Variants in MROH7 observed in about 807,000 individuals in gnomAD.
MROH7 encodes maestro heat like repeat family member 7.
In MROH7, 113 loss-of-function variants were observed where a neutral mutation model predicts 129.2. That is an observed-to-expected ratio of 0.87 (90% confidence interval 0.75 to 1.02). The LOEUF is 1.02. Among genes scored for constraint, MROH7 ranks in the 50% least tolerant of loss-of-function variants. MROH7 has a pLI of 0.00. For synonymous variants in MROH7, 655 were observed against 667.9 expected, an observed-to-expected ratio of 0.98 and a Z score of 0.30; for missense variants, 1,601 against 1,671.3, an observed-to-expected ratio of 0.96 and a Z score of 0.73.
rs748947791 is a variant in MROH7 at position 54,702,188 on chromosome 1, C to A, written c.3384C>A (p.Val1128=). 7 of 1,601,700 alleles carry A rather than the reference C, an allele frequency of 4.4e-6. No homozygotes were observed. The South Asian group carries it at 7.9e-5, about 18-fold the overall frequency. ...CTCAGGCCATGGAGGAGCAGCTGGTCAGCACCTTGGTGCCCCTACTGCTGA... is the reference window on the plus strand; with the variant it reads ...CTCAGGCCATGGAGGAGCAGCTGGTAAGCACCTTGGTGCCCCTACTGCTGA... The part of the protein sequence containing the change: ...PRTQAMEEQL[V]STLVPLLLTM... The change falls in exon 20 of 24, where the codon GTC becomes GTA. Residue 1128 remains valine, a synonymous_variant. Transcript: ENST00000421030.
At chr1:54,656,861 G>GT (rs1188328296) in intron 3 of MROH7, among the ~76,000 whole-genome samples, 1 of 151,828 alleles carries the variant, frequency 6.6e-6, no homozygotes, top group Non-Finnish European at 1.5e-5. Flanking sequence ...TTTTTTTCCA[G>GT]TTTTTTAATT....
At chr1:54,668,741 A>C in intron 4 of MROH7, 113 bp from the exon 5 acceptor site, 1 of 716,860 alleles carries the variant, frequency 1.4e-6, no homozygotes, top group Non-Finnish European at 2.5e-6. Flanking sequence ...CTCTTGCACC[A>C]ATGCTGGCTT....
At chr1:54,673,984 ACACT>A (rs1644943405) in intron 9 of MROH7, 28 bp from the exon 10 acceptor site, 1 of 1,611,432 alleles carries the variant, frequency 6.2e-7, no homozygotes, top group Admixed American at 1.7e-5. Flanking sequence ...TGAACCTATA[ACACT>A]CAATCCCTAA....
intron 3 of MROH7, among the ~76,000 whole-genome samples, chr1:54,655,706 C>T (rs1222413188): frequency 6.6e-6 from 1 of 151,910 alleles, no homozygotes; most frequent in African/African-American, 2.4e-5. Context: ...GAATGCATTT[C>T]TAGGGTTTCT....
chr1:54,669,609 C>T (rs1644863612), intron 5 of MROH7, among the ~76,000 whole-genome samples: 1 of 152,230 alleles, frequency 6.6e-6, no homozygotes, highest in African/African-American at 2.4e-5. Flanking sequence ...ACTGCAGCAT[C>T]AAACTCCTGG....
chr1:54,689,692 GAAACTT>G (rs1285702197), intron 15 of MROH7, among the ~76,000 whole-genome samples: 1 of 152,228 alleles, frequency 6.6e-6, no homozygotes, highest in Non-Finnish European at 1.5e-5. Flanking sequence ...CCAGGAAGGT[GAAACTT>G]TCAGCAGCCC....
chr1:54,670,013 A>C (rs115431280), intron 5 of MROH7, among the ~76,000 whole-genome samples: 44,619 of 150,070 alleles, frequency 0.3, 6,892 homozygotes, highest in South Asian at 0.5. Context: ...CAAAAAAAAA[A>C]AAAAAAAAAA....
intron 2 of MROH7, among the ~76,000 whole-genome samples, 198 bp from the exon 3 acceptor site, chr1:54,652,655 G>A (rs528695405): frequency 6.6e-6 from 1 of 152,312 alleles, no homozygotes; most frequent in Admixed American, 6.5e-5. Context: ...GAGCCAGGAG[G>A]GAGCAGGTTG....
intron 3 of MROH7, among the ~76,000 whole-genome samples, chr1:54,657,579 G>A (rs1000000936): frequency 1.3e-5 from 2 of 152,042 alleles, no homozygotes; most frequent in Non-Finnish European, 2.9e-5. Flanking sequence ...ACCTCGCTAT[G>A]TTGCCCAGGC....
chr1:54,695,831 C>G (rs1645313520), intron 17 of MROH7: 1 of 362,974 alleles, frequency 2.8e-6, no homozygotes. Context: ...AGAGGACACC[C>G]CAGTTATAAC....
chr1:54,695,241 G>T (rs1645301000), intron 16 of MROH7, 135 bp from the exon 17 acceptor site: 1 of 617,014 alleles, frequency 1.6e-6, no homozygotes, highest in Non-Finnish European at 3.0e-6. Flanking sequence ...TCCCACCCAG[G>T]TGGAAAATCC....
Position 54,670,814 on chromosome 1 carries a change from C to T in MROH7, c.1484C>T (p.Thr495Ile), listed in dbSNP as rs760073833. Residue 495 changes from threonine to isoleucine, a missense_variant, in exon 7 of 24, where the codon ACC becomes ATC. Transcript: ENST00000421030. ...CTCTTCTCCAGCCACACCCAGCCCA[C>T]CCTGGGCATGCGGGAGAGGTCGGAG... ...ILTQLSHTQP[T>I]LGMRERSELV... 2 of 1,613,898 alleles carry T rather than the reference C, an allele frequency of 1.2e-6. No homozygotes were observed. Among genetic ancestry groups the T allele is most frequent in the African/African-American group, 1.3e-5 (1 of 74,934 alleles).
intron 14 of MROH7, among the ~76,000 whole-genome samples, chr1:54,685,505 G>T (rs1645133987): frequency 6.6e-6 from 1 of 151,814 alleles, no homozygotes; most frequent in South Asian, 2.1e-4. Flanking sequence ...CATGAGTCTT[G>T]TGACACCAGC....
At chr1:54,707,611 G>A (rs1043067895) in intron 22 of MROH7, among the ~76,000 whole-genome samples, 1 of 152,108 alleles carries the variant, frequency 6.6e-6, no homozygotes, top group Non-Finnish European at 1.5e-5. Context: ...TACTTCCTAC[G>A]TGCTGATTTC....
chr1:54,663,686 A>T (rs1313080623), intron 3 of MROH7: 2 of 170,526 alleles, frequency 1.2e-5, no homozygotes, highest in African/African-American at 4.8e-5. Context: ...CATCAGCTCT[A>T]AAAAAAAAAA....
chr1:54,667,219 G>T (rs1394297716), intron 4 of MROH7, among the ~76,000 whole-genome samples: 1 of 152,092 alleles, frequency 6.6e-6, no homozygotes, highest in East Asian at 1.9e-4. Context: ...TCCTCTGAGT[G>T]GTCTTCTCTG....
chr1:54,653,034 G>C lies in MROH7; in HGVS notation c.108G>C (p.Gln36His). 1 of 1,614,144 alleles carries C rather than the reference G, an allele frequency of 6.2e-7. No individual in the cohort carries two copies. Among genetic ancestry groups the C allele is most frequent in the Non-Finnish European group, 8.5e-7 (1 of 1,180,022 alleles). Residue 36 changes from glutamine (Q) to histidine (H), a missense_variant, in exon 3 of 24, where the codon CAG (glutamine) becomes CAC (histidine). Physicochemically the swap from Gln to His is conservative, Grantham distance 24. Transcript: ENST00000421030. ...APGLGSGTIP[Q>H]PHPDMAQVPM... is the part of the protein sequence containing the mutation. ...GATTAGGGTCTGGTACCATCCCTCAGCCCCACCCAGACATGGCTCAGGTGC... is the reference window on the plus strand; with the variant it reads ...GATTAGGGTCTGGTACCATCCCTCACCCCCACCCAGACATGGCTCAGGTGC...
chr1:54,688,639 G>A (rs1645187342), intron 15 of MROH7, among the ~76,000 whole-genome samples: 1 of 152,118 alleles, frequency 6.6e-6, no homozygotes, highest in South Asian at 2.1e-4. Flanking sequence ...AATGATTCCT[G>A]TCCCATAGGT....
chr1:54,663,838 T>TGG, intron 3 of MROH7: 1 of 441,318 alleles, frequency 2.3e-6, no homozygotes, highest in Non-Finnish European at 4.5e-6. Context: ...TTCCTTTTAG[T>TGG]GGGGAAAGGT....
Sources: allele counts gnomAD v4.1 joint callset (sites outside exome capture counted in the v4.1 genomes callset), GRCh38; gene constraint gnomAD v4.1.1; transcripts MANE v1.5; gene names NCBI Gene and HGNC (gene_info 2026-07-23, HGNC 2026-07-21).